FAF1: variants seen among roughly 807,000 people sequenced by gnomAD.
The protein encoded by FAF1 is Fas associated factor 1.
A neutral mutation model predicts 92.5 loss-of-function variants in FAF1; 25 were observed. The observed-to-expected ratio is 0.27, with a 90% CI of 0.20 to 0.38. The LOEUF is 0.38. Among genes scored for constraint, FAF1 ranks in the 10% least tolerant of loss-of-function variants. The probability of loss-of-function intolerance (pLI) is 1.00; values close to 1 mark genes in which losing one functional copy is unlikely to be tolerated. For missense variants in FAF1, 636 were observed against 793.3 expected (o/e 0.80, Z 2.38); for synonymous variants, 234 against 273.2 (o/e 0.86, Z 1.42).
intron 2 of FAF1, among the ~76,000 whole-genome samples, chr1:50,826,963 G>T (rs988347582): frequency 6.6e-6 from 1 of 151,460 alleles, no homozygotes; most frequent in African/African-American, 2.4e-5. Flanking sequence ...TCTGGGAGGT[G>T]AGGAGTGCCT....
chr1:50,729,452 C>T (rs1658827802), intron 6 of FAF1, among the ~76,000 whole-genome samples: 1 of 151,642 alleles, frequency 6.6e-6, no homozygotes, highest in African/African-American at 2.4e-5. Context: ...ATTATATGAA[C>T]ATCATAAAAT....
intron 1 of FAF1, among the ~76,000 whole-genome samples, chr1:50,859,889 C>T (rs1644418847): frequency 6.6e-6 from 1 of 151,802 alleles, no homozygotes; most frequent in Admixed American, 6.6e-5. Context: ...GGAATCGATA[C>T]AAAAACAGAC....
At chr1:50,562,438 C>T (rs552537043) in intron 13 of FAF1, among the ~76,000 whole-genome samples, 8 of 152,230 alleles carry the variant, frequency 5.3e-5, no homozygotes, top group Admixed American at 3.9e-4. Context: ...GTTCCCCATA[C>T]GTAATTATGA....
intron 1 of FAF1, among the ~76,000 whole-genome samples, chr1:50,920,268 C>T (rs1271896897): frequency 6.6e-6 from 1 of 150,746 alleles, no homozygotes; most frequent in African/African-American, 2.4e-5. Context: ...CGCCACCACA[C>T]TCCAGCCTGG....
intron 7 of FAF1, among the ~76,000 whole-genome samples, chr1:50,689,077 CA>C (rs1024728669): frequency 1.2e-3 from 187 of 151,926 alleles, no homozygotes; most frequent in African/African-American, 4.3e-3. Flanking sequence ...TTTGTAAAGA[CA>C]AAAAAGGTTT....
chr1:50,457,208 A>G (rs1646363618), intron 18 of FAF1, among the ~76,000 whole-genome samples: 1 of 151,908 alleles, frequency 6.6e-6, no homozygotes. Context: ...ATTCAGCCAA[A>G]CCTGAAGATT....
At chr1:50,937,110 C>T (rs546397042) in intron 1 of FAF1, among the ~76,000 whole-genome samples, 32 of 152,038 alleles carry the variant, frequency 2.1e-4, no homozygotes, top group African/African-American at 7.0e-4. Context: ...GGGAGGTATG[C>T]CTTACTCAGG....
At chr1:50,838,338 A>G (rs1466804369) in intron 2 of FAF1, among the ~76,000 whole-genome samples, 1 of 151,750 alleles carries the variant, frequency 6.6e-6, no homozygotes, top group African/African-American at 2.4e-5. Context: ...AAACTCATGT[A>G]AACTATAGTA....
At chr1:50,703,005 T>TAAA (rs201118983) in intron 7 of FAF1, among the ~76,000 whole-genome samples, 13 of 151,418 alleles carry the variant, frequency 8.6e-5, no homozygotes, top group East Asian at 1.9e-4. Flanking sequence ...TTTCAAAAAT[T>TAAA]AAAAAAAATA....
chr1:50,633,198 T>A (rs999271775), intron 8 of FAF1, among the ~76,000 whole-genome samples: 1 of 152,216 alleles, frequency 6.6e-6, no homozygotes, highest in African/African-American at 2.4e-5. Flanking sequence ...AATTTAGAAG[T>A]TGGGTGCATT....
chr1:50,447,003 C>T (rs1225586915), intron 18 of FAF1, among the ~76,000 whole-genome samples: 1 of 133,532 alleles, frequency 7.5e-6, no homozygotes, highest in Non-Finnish European at 1.6e-5. Flanking sequence ...AGTAACTCCC[C>T]ACCTCTTACA....
intron 18 of FAF1, among the ~76,000 whole-genome samples, chr1:50,472,176 T>C (rs3827730): frequency 0.3 from 45,987 of 151,588 alleles, 8,886 homozygotes; most frequent in East Asian, 0.77. Context: ...AGTTGGCCTA[T>C]AGGAGGAGTA....
intron 17 of FAF1, among the ~76,000 whole-genome samples, chr1:50,477,625 T>C (rs1369757787): frequency 6.6e-6 from 1 of 152,222 alleles, no homozygotes; most frequent in Non-Finnish European, 1.5e-5. Context: ...CATTATCATA[T>C]ATTAGTAACC....
chr1:50,847,738 C>A (rs1280361741), intron 2 of FAF1, among the ~76,000 whole-genome samples: 1 of 152,078 alleles, frequency 6.6e-6, no homozygotes, highest in African/African-American at 2.4e-5. Context: ...ACTAAATATC[C>A]CTGAATTGTA....
chr1:50,857,150 A>G (rs1273722156), intron 2 of FAF1, among the ~76,000 whole-genome samples: 1 of 151,806 alleles, frequency 6.6e-6, no homozygotes, highest in Non-Finnish European at 1.5e-5. Context: ...AGTTTAAAAA[A>G]GTATTAAGTC....
intron 17 of FAF1, among the ~76,000 whole-genome samples, chr1:50,483,813 C>T (rs748447684): frequency 3.9e-5 from 6 of 152,086 alleles, no homozygotes; most frequent in Non-Finnish European, 8.8e-5. Flanking sequence ...CGAGATAAGT[C>T]AAGGATAATT....
At chr1:50,887,289 T>C (rs911538703) in intron 1 of FAF1, among the ~76,000 whole-genome samples, 13 of 152,236 alleles carry the variant, frequency 8.5e-5, no homozygotes, top group African/African-American at 3.1e-4. Context: ...CTTTGTCAGA[T>C]GAGTAGATTG....
chr1:50,720,680 C>A (rs537033999), intron 6 of FAF1, among the ~76,000 whole-genome samples: 1 of 152,168 alleles, frequency 6.6e-6, no homozygotes, highest in Non-Finnish European at 1.5e-5. Flanking sequence ...CTGTCCTGAA[C>A]CCCCACCCTA....
chr1:50,696,379 G>A (rs945740636), intron 7 of FAF1, among the ~76,000 whole-genome samples: 4 of 152,036 alleles, frequency 2.6e-5, no homozygotes, highest in African/African-American at 9.7e-5. Flanking sequence ...GCTTTACTAG[G>A]TTCCTGTCTC....
Sources: allele counts gnomAD v4.1 joint callset (sites outside exome capture counted in the v4.1 genomes callset), GRCh38; gene constraint gnomAD v4.1.1; transcripts MANE v1.5; gene names NCBI Gene and HGNC (gene_info 2026-07-23, HGNC 2026-07-21).